CCDC141: variants seen among roughly 807,000 people sequenced by gnomAD.
The protein encoded by CCDC141 is coiled-coil domain containing 141.
CCDC141 carries 168 observed loss-of-function variants against 181.0 expected under a neutral mutation model. The observed-to-expected ratio is 0.93, with a 90% confidence interval of 0.82 to 1.05. The LOEUF (loss-of-function observed/expected upper bound fraction) is 1.05. Among genes scored for constraint, CCDC141 ranks in the 50% least tolerant of loss-of-function variants. The pLI is 0.00. For missense variants in CCDC141, 1,902 were observed against 1,788.5 expected (o/e 1.06, Z -1.14); for synonymous variants, 666 against 642.3 (o/e 1.04, Z -0.56).
At chr2:179,015,919 TATATC>T (rs199974242) in intron 2 of CCDC141, among the ~76,000 whole-genome samples, 12,504 of 142,576 alleles carry the variant, frequency 0.088, 857 homozygotes, top group Admixed American at 0.2. Context: ...ATATCTCATA[TATATC>T]ATATAATTTC....
rs1019058953 is a variant in CCDC141 at position 178,914,158 on chromosome 2, T to A, written c.1092+4555A>T. On this transcript the variant is annotated intron_variant, in intron 7 of 23. Transcript: ENST00000443758. ...TATTTTGGAGGATCGAGATGAGTTA[T>A]TCTAATAGGTGCTATATTCATATTT... 5.9e-5 allele frequency among the ~76,000 whole-genome samples: 9 copies of A among 152,322 alleles called. No homozygotes were observed. In the South Asian group the frequency reaches 6.2e-4, roughly 11 times the overall value.
At chr2:178,981,756 G>C (rs568879830) in intron 2 of CCDC141, among the ~76,000 whole-genome samples, 1 of 147,910 alleles carries the variant, frequency 6.8e-6, no homozygotes, top group Admixed American at 6.8e-5. Context: ...TAGAGAAAGA[G>C]AGTAAATTAA....
chr2:179,045,108 C>T (rs1380313527), intron 2 of CCDC141, among the ~76,000 whole-genome samples: 1 of 149,922 alleles, frequency 6.7e-6, no homozygotes, highest in Non-Finnish European at 1.5e-5. Context: ...TGCACTGCAC[C>T]CACTAACTCG....
At chr2:178,847,276 C>T (rs190954213) in intron 21 of CCDC141, among the ~76,000 whole-genome samples, 2 of 152,192 alleles carry the variant, frequency 1.3e-5, no homozygotes, top group African/African-American at 4.8e-5. Flanking sequence ...ACACCTGTAA[C>T]CCCAGCATTT....
chr2:178,857,271 C>A (rs939280607), intron 17 of CCDC141, among the ~76,000 whole-genome samples: 3 of 152,132 alleles, frequency 2.0e-5, no homozygotes, highest in African/African-American at 7.2e-5. Context: ...TTAGACCAGC[C>A]AGGACATTGG....
chr2:178,928,544 G>A (rs1688991232), intron 6 of CCDC141, among the ~76,000 whole-genome samples: 3 of 151,838 alleles, frequency 2.0e-5, no homozygotes, highest in Admixed American at 2.0e-4. Flanking sequence ...TTATTTAAGG[G>A]CTGACAAATG....
chr2:178,916,740 A>G (rs1048213312), intron 7 of CCDC141, among the ~76,000 whole-genome samples: 5 of 152,160 alleles, frequency 3.3e-5, no homozygotes, highest in African/African-American at 1.2e-4. Context: ...CCACTTGTCT[A>G]TAGAACCTGC....
At chr2:179,016,028 A>T (rs1174563987) in intron 2 of CCDC141, among the ~76,000 whole-genome samples, 1 of 146,264 alleles carries the variant, frequency 6.8e-6, no homozygotes, top group Non-Finnish European at 1.5e-5. Context: ...AAAAGGAATG[A>T]ATTAACAGCA....
At chr2:179,025,412 G>A (rs752559963) in intron 2 of CCDC141, among the ~76,000 whole-genome samples, 49 of 152,190 alleles carry the variant, frequency 3.2e-4, no homozygotes, top group Admixed American at 1.2e-3. Flanking sequence ...TGACTCTCAC[G>A]AGATCTGATG....
At chr2:178,817,661 C>T in the CCDC141 span, 11 of 414,574 alleles carry the variant, frequency 2.7e-5, no homozygotes, top group Non-Finnish European at 4.5e-5. Context: ...TTTCTAGGAA[C>T]GTTAGAATTT....
intron 6 of CCDC141, among the ~76,000 whole-genome samples, chr2:178,927,999 G>C (rs1330402165): frequency 6.6e-6 from 1 of 152,102 alleles, no homozygotes; most frequent in Non-Finnish European, 1.5e-5. Context: ...AATGGAGCAG[G>C]GAATTAACAG....
intron 6 of CCDC141, among the ~76,000 whole-genome samples, chr2:178,942,260 GT>G (rs1370447106): frequency 6.6e-6 from 1 of 152,048 alleles, no homozygotes; most frequent in Non-Finnish European, 1.5e-5. Flanking sequence ...TCGTTTAAAT[GT>G]TTTGTAGAGA....
intron 3 of CCDC141, among the ~76,000 whole-genome samples, chr2:178,976,480 G>A (rs1445360777): frequency 6.6e-6 from 1 of 152,116 alleles, no homozygotes; most frequent in South Asian, 2.1e-4. Flanking sequence ...GAAGAGCATG[G>A]GACATGTTTT....
At chr2:178,844,297 C>G (rs372266947) in intron 22 of CCDC141, among the ~76,000 whole-genome samples, 1 of 152,014 alleles carries the variant, frequency 6.6e-6, no homozygotes, top group Non-Finnish European at 1.5e-5. Flanking sequence ...TTGTGTCGAC[C>G]ACTCATTCTC....
At chr2:178,955,167 C>G (rs1456510283) in intron 5 of CCDC141, among the ~76,000 whole-genome samples, 1 of 152,110 alleles carries the variant, frequency 6.6e-6, no homozygotes, top group African/African-American at 2.4e-5. Context: ...CATCTGTAGT[C>G]TCAGCCACTT....
At chr2:178,977,134 C>T (rs1490019076) in intron 3 of CCDC141, among the ~76,000 whole-genome samples, 2 of 152,084 alleles carry the variant, frequency 1.3e-5, no homozygotes, top group African/African-American at 4.8e-5. Flanking sequence ...AATAATTAGT[C>T]TTTTCACTAG....
intron 6 of CCDC141, among the ~76,000 whole-genome samples, chr2:178,940,731 T>C (rs1048345398): frequency 5.9e-5 from 9 of 152,170 alleles, no homozygotes; most frequent in Non-Finnish European, 1.0e-4. Context: ...ATTAATCAAA[T>C]GTCCTTTTCA....
intron 2 of CCDC141, among the ~76,000 whole-genome samples, chr2:179,032,077 C>G (rs2043015021): frequency 6.6e-6 from 1 of 152,118 alleles, no homozygotes. Context: ...TGTCTTCCCA[C>G]TTTACTGGCT....
chr2:178,832,607 A>G lies in CCDC141; in HGVS notation c.*1566T>C, dbSNP rs1379137056. On this transcript the variant is annotated 3_prime_UTR_variant, in exon 24 of 24. Transcript: ENST00000443758. ...ATTTAATTTTTTAATTAAATTGGAT[A>G]TGCAGCCCAAGAAAGTATACGCCAA... 1 of 152,124 alleles carries G rather than the reference A, an allele frequency of 6.6e-6. No individual in the cohort carries two copies. Among genetic ancestry groups the G allele is most frequent in the African/African-American group, 2.4e-5 (1 of 41,456 alleles). 9.4% of individuals were successfully genotyped at this position (152,124 alleles called of 1,614,324 possible).
Sources: allele counts gnomAD v4.1 joint callset (sites outside exome capture counted in the v4.1 genomes callset), GRCh38; gene constraint gnomAD v4.1.1; transcripts MANE v1.5; gene names NCBI Gene and HGNC (gene_info 2026-07-23, HGNC 2026-07-21).